Variants in AFG2A observed in about 807,000 individuals in gnomAD.
The protein encoded by AFG2A is AAA ATPase AFG2A, also known as ATPase family gene 2 protein homolog A.
chr4:123,105,919 A>T, the AFG2A span, among the ~76,000 whole-genome samples: 1 of 152,252 alleles, frequency 6.6e-6, no homozygotes, highest in Non-Finnish European at 1.5e-5. Flanking sequence ...GTGTAAGTTT[A>T]GTTGTTAAAA....
chr4:122,981,609 G>C, the AFG2A span, among the ~76,000 whole-genome samples: 1 of 151,618 alleles, frequency 6.6e-6, no homozygotes, highest in East Asian at 1.9e-4. Context: ...AGACAATTTT[G>C]GGTAGTATGA....
At chr4:123,025,985 G>A in the AFG2A span, among the ~76,000 whole-genome samples, 1 of 152,102 alleles carries the variant, frequency 6.6e-6, no homozygotes, top group African/African-American at 2.4e-5. Context: ...AGAGTTAAAA[G>A]GTAGTTGGAT....
chr4:123,019,791 G>C, the AFG2A span, among the ~76,000 whole-genome samples: 5 of 151,868 alleles, frequency 3.3e-5, no homozygotes, highest in South Asian at 6.2e-4. Flanking sequence ...ACTCATCTTT[G>C]TGCCCCTACA....
chr4:123,158,846 A>C, the AFG2A span, among the ~76,000 whole-genome samples: 1 of 152,202 alleles, frequency 6.6e-6, no homozygotes, highest in South Asian at 2.1e-4. Flanking sequence ...CAGATTCCTA[A>C]AACTCAAAGT....
chr4:123,121,742 G>T, the AFG2A span, among the ~76,000 whole-genome samples: 11 of 152,136 alleles, frequency 7.2e-5, no homozygotes. Context: ...ACTTAAGGAT[G>T]CACTTCTCAG....
At chr4:123,089,134 T>C in the AFG2A span, among the ~76,000 whole-genome samples, 2 of 152,334 alleles carry the variant, frequency 1.3e-5, no homozygotes, top group Admixed American at 1.3e-4. Context: ...CTCATGTGCA[T>C]TTGATTAGTG....
At chr4:123,077,020 A>G in the AFG2A span, among the ~76,000 whole-genome samples, 7 of 147,354 alleles carry the variant, frequency 4.8e-5, no homozygotes, top group South Asian at 1.5e-3. Flanking sequence ...GCATGTGTGT[A>G]AGTGAAATTT....
chr4:123,308,242 C>T, the AFG2A span, among the ~76,000 whole-genome samples: 1 of 152,172 alleles, frequency 6.6e-6, no homozygotes. Flanking sequence ...CAGAGTAGTG[C>T]TCCAAACTGA....
chr4:123,124,554 G>A, the AFG2A span, among the ~76,000 whole-genome samples: 1 of 150,162 alleles, frequency 6.7e-6, no homozygotes, highest in African/African-American at 2.4e-5. Context: ...GAGTTAATGG[G>A]TATAGCACAC....
the AFG2A span, among the ~76,000 whole-genome samples, chr4:123,030,736 C>A: frequency 6.4e-4 from 98 of 152,090 alleles, no homozygotes; most frequent in Non-Finnish European, 1.2e-3. Flanking sequence ...ATTGAATATC[C>A]CTTATCAAAA....
chr4:123,138,540 G>A, the AFG2A span, among the ~76,000 whole-genome samples: 3 of 151,550 alleles, frequency 2.0e-5, no homozygotes, highest in African/African-American at 7.3e-5. Flanking sequence ...AACTAGTTTT[G>A]GAATCAAAAC....
At chr4:123,196,565 G>C in the AFG2A span, among the ~76,000 whole-genome samples, 1 of 151,804 alleles carries the variant, frequency 6.6e-6, no homozygotes, top group Admixed American at 6.6e-5. Flanking sequence ...CATTACTTCT[G>C]AATATTAAGG....
chr4:123,040,079 C>A, the AFG2A span, among the ~76,000 whole-genome samples: 1 of 151,838 alleles, frequency 6.6e-6, no homozygotes, highest in African/African-American at 2.4e-5. Context: ...TATTCTTATT[C>A]ATTTTCTTTT....
the AFG2A span, among the ~76,000 whole-genome samples, chr4:123,150,478 A>G: frequency 5.3e-5 from 8 of 152,186 alleles, no homozygotes; most frequent in African/African-American, 1.4e-4. Context: ...CTATACACCA[A>G]TAATAAACAG....
the AFG2A span, among the ~76,000 whole-genome samples, chr4:123,257,741 A>C: frequency 6.6e-6 from 1 of 152,214 alleles, no homozygotes; most frequent in Non-Finnish European, 1.5e-5. Flanking sequence ...AATTTGCAGG[A>C]AACAGCAAGA....
chr4:123,097,337 T>C, the AFG2A span, among the ~76,000 whole-genome samples: 1 of 144,672 alleles, frequency 6.9e-6, no homozygotes, highest in African/African-American at 2.6e-5. Flanking sequence ...CTTCTAATAT[T>C]ACTCTTCTTA....
chr4:123,194,725 A>T, the AFG2A span, among the ~76,000 whole-genome samples: 2 of 152,230 alleles, frequency 1.3e-5, no homozygotes, highest in African/African-American at 4.8e-5. Flanking sequence ...TGAATACTTA[A>T]TTCAGAATTG....
the AFG2A span, among the ~76,000 whole-genome samples, chr4:122,948,995 T>C: frequency 6.6e-6 from 1 of 152,172 alleles, no homozygotes; most frequent in Admixed American, 6.5e-5. Flanking sequence ...TCATACTGTA[T>C]AGAAAGTTTT....
At chr4:123,216,255 T>C in the AFG2A span, among the ~76,000 whole-genome samples, 3 of 152,190 alleles carry the variant, frequency 2.0e-5, no homozygotes, top group African/African-American at 7.2e-5. Flanking sequence ...TTTTTAAACG[T>C]ATGTAGATAA....
Sources: allele counts gnomAD v4.1 joint callset (sites outside exome capture counted in the v4.1 genomes callset), GRCh38; gene constraint gnomAD v4.1.1; transcripts MANE v1.5; gene names NCBI Gene and HGNC (gene_info 2026-07-23, HGNC 2026-07-21).